Variants in PCDH11X observed in about 807,000 individuals in gnomAD.
The protein encoded by PCDH11X is protocadherin 11 X-linked, also known as protocadherin-11 X-linked.
Under a neutral mutation model 53.3 loss-of-function variants are expected in PCDH11X, and 18 were observed. The ratio of observed to expected loss-of-function variants is 0.34; its 90% CI spans 0.23 to 0.50. The LOEUF (loss-of-function observed/expected upper bound fraction) is 0.50. Among genes scored for constraint, PCDH11X ranks in the 20% least tolerant of loss-of-function variants. The pLI, the probability that PCDH11X is intolerant of heterozygous loss-of-function variation, is 0.98. For missense variants in PCDH11X, 570 were observed against 1,032.4 expected (o/e 0.55, Z 6.14); for synonymous variants, 279 against 393.3 (o/e 0.71, Z 3.44).
At chrX:92,097,141 C>T (rs867447099) in intron 6 of PCDH11X, among the ~76,000 whole-genome samples, 15 of 111,155 alleles carry the variant, frequency 1.3e-4, no homozygotes, top group African/African-American at 9.8e-5. Context: ...TCAGGGACCA[C>T]GCATGGTGGC....
intron 6 of PCDH11X, among the ~76,000 whole-genome samples, chrX:91,903,095 G>A (rs1941014445): frequency 9.0e-6 from 1 of 111,030 alleles, no homozygotes; most frequent in African/African-American, 3.3e-5. Flanking sequence ...ATACTATTTG[G>A]TAAAGCTGTT....
chrX:91,958,744 G>A (rs1247854406), intron 6 of PCDH11X, among the ~76,000 whole-genome samples: 7 of 110,763 alleles, frequency 6.3e-5, no homozygotes, highest in Admixed American at 1.9e-4. Context: ...GTTCCTCTCC[G>A]TGAATACCGT....
At chrX:91,949,252 A>G (rs2061610910) in intron 6 of PCDH11X, among the ~76,000 whole-genome samples, 1 of 109,692 alleles carries the variant, frequency 9.1e-6, no homozygotes, top group African/African-American at 3.3e-5. Flanking sequence ...ATGAATTGAA[A>G]CAATAACAGC....
At chrX:92,064,319 C>A (rs1248603968) in intron 6 of PCDH11X, among the ~76,000 whole-genome samples, 1 of 109,938 alleles carries the variant, frequency 9.1e-6, no homozygotes, top group African/African-American at 3.3e-5. Flanking sequence ...GACATATTAA[C>A]GTACATTTTA....
chrX:92,330,401 C>A (rs908780991), intron 8 of PCDH11X, among the ~76,000 whole-genome samples: 4 of 110,793 alleles, frequency 3.6e-5, no homozygotes, highest in Non-Finnish European at 7.6e-5. Flanking sequence ...ATTTAGAATA[C>A]TTAAAATTAA....
intron 6 of PCDH11X, among the ~76,000 whole-genome samples, chrX:91,954,457 C>A (rs2061684057): frequency 9.0e-6 from 1 of 111,129 alleles, no homozygotes; most frequent in African/African-American, 3.3e-5. Context: ...TAATTTATAT[C>A]CCTTTGGGTA....
intron 7 of PCDH11X, among the ~76,000 whole-genome samples, chrX:92,224,672 TAG>T (rs2066938501): frequency 8.9e-6 from 1 of 111,914 alleles, no homozygotes; most frequent in East Asian, 2.8e-4. Flanking sequence ...ACTTGTGGGG[TAG>T]AGCTCTCTGA....
At chrX:92,146,727 G>A (rs2476044) in intron 6 of PCDH11X, among the ~76,000 whole-genome samples, 1 of 111,536 alleles carries the variant, frequency 9.0e-6, no homozygotes, top group Non-Finnish European at 1.9e-5. Flanking sequence ...GGCCTAGTGC[G>A]GTGGCTTACA....
intron 10 of PCDH11X, among the ~76,000 whole-genome samples, chrX:92,489,215 G>T (rs1208154031): frequency 9.1e-6 from 1 of 109,520 alleles, no homozygotes; most frequent in Admixed American, 9.8e-5. Flanking sequence ...ATCTAGATGT[G>T]AATGAGGTAT....
chrX:91,975,179 C>A (rs2062029988), intron 6 of PCDH11X, among the ~76,000 whole-genome samples: 1 of 111,199 alleles, frequency 9.0e-6, no homozygotes. Context: ...AGGATGGAAG[C>A]AATGAAGGTG....
intron 4 of PCDH11X, among the ~76,000 whole-genome samples, chrX:91,823,191 C>T (rs376804495): frequency 1.1e-3 from 121 of 110,217 alleles, no homozygotes; most frequent in Non-Finnish European, 1.7e-3. Flanking sequence ...CTATTAGGTC[C>T]GCTTGGTGCA....
chrX:91,828,501 T>TC (rs1937000397), intron 4 of PCDH11X, among the ~76,000 whole-genome samples: 1 of 111,460 alleles, frequency 9.0e-6, no homozygotes, highest in Admixed American at 9.6e-5. Context: ...ATTAATGTTG[T>TC]CATTTTTAAT....
At chrX:92,265,418 T>G (rs2148418806) in intron 8 of PCDH11X, among the ~76,000 whole-genome samples, 1 of 110,781 alleles carries the variant, frequency 9.0e-6, no homozygotes, top group Non-Finnish European at 1.9e-5. Flanking sequence ...CTGACAAAAT[T>G]TGGGTTAAAA....
At chrX:91,960,222 G>T in intron 6 of PCDH11X, among the ~76,000 whole-genome samples, 1 of 103,255 alleles carries the variant, frequency 9.7e-6, no homozygotes, top group Non-Finnish European at 2.0e-5. Flanking sequence ...TCTTTAGGTT[G>T]CCTCTTCATT....
At chrX:91,974,195 A>G (rs1310353652) in intron 6 of PCDH11X, among the ~76,000 whole-genome samples, 1 of 111,229 alleles carries the variant, frequency 9.0e-6, no homozygotes, top group Non-Finnish European at 1.9e-5. Context: ...GATAAATCTC[A>G]CCATTATCTA....
intron 7 of PCDH11X, among the ~76,000 whole-genome samples, chrX:92,202,926 G>A (rs771731809): frequency 1.8e-5 from 2 of 111,363 alleles, no homozygotes; most frequent in East Asian, 5.7e-4. Flanking sequence ...AGGAGGCTGA[G>A]GCAGGAGAAT....
intron 7 of PCDH11X, among the ~76,000 whole-genome samples, chrX:92,260,106 C>T (rs150491597): frequency 1.8e-5 from 2 of 110,525 alleles, no homozygotes; most frequent in East Asian, 2.9e-4. Flanking sequence ...GCTTGTGTCT[C>T]GGTAGGTTGT....
rs2065984659 is a variant in PCDH11X at position 92,180,837 on chromosome X, T to A, written c.3034-20538T>A. Among the ~76,000 whole-genome samples, 4 of 108,368 alleles carry A rather than the reference T, an allele frequency of 3.7e-5. No individual in the cohort carries two copies. The South Asian group carries it at 1.7e-3, about 45-fold the overall frequency. 94.1% of individuals were successfully genotyped at this position (108,368 alleles called of 115,157 possible). A position where few individuals can be genotyped will look rare whatever the true frequency, so the allele number is the denominator to read the frequency against. On this transcript the variant is annotated intron_variant, in intron 6 of 10. Coordinates refer to ENST00000682573, the MANE Select transcript of PCDH11X (RefSeq NM_032968.5). ...CATGATTTTGAGGCCTCTCCAGCCA[T>A]GTGGAACTGTAAGTCCATTAAAACT... is the stretch of plus-strand genomic sequence containing the variant.
intron 6 of PCDH11X, among the ~76,000 whole-genome samples, chrX:92,188,235 C>T: frequency 9.0e-6 from 1 of 111,461 alleles, no homozygotes; most frequent in East Asian, 2.9e-4. Flanking sequence ...TCTTTTCTCG[C>T]TCCAGCCTCT....
Sources: allele counts gnomAD v4.1 joint callset (sites outside exome capture counted in the v4.1 genomes callset), GRCh38; gene constraint gnomAD v4.1.1; transcripts MANE v1.5; gene names NCBI Gene and HGNC (gene_info 2026-07-23, HGNC 2026-07-21).